Variants in MVK observed in about 807,000 individuals in gnomAD.
The protein encoded by MVK is mevalonate kinase.
MVK carries 34 observed loss-of-function variants against 43.2 expected under a neutral mutation model. That is an observed-to-expected ratio of 0.79 (90% CI 0.60 to 1.05). The LOEUF (loss-of-function observed/expected upper bound fraction) is 1.05, where lower values mean the gene tolerates loss of function less well. MVK is among the 50% of genes least tolerant of loss of function. The pLI, the probability that MVK is intolerant of heterozygous loss-of-function variation, is 0.00. For missense variants in MVK, 395 were observed against 504.0 expected (o/e 0.78, Z 2.07); for synonymous variants, 190 against 219.8 (o/e 0.86, Z 1.20).
Position 109,580,096 on chromosome 12 carries a change from G to A in MVK, c.371+150G>A, listed in dbSNP as rs535362088. 3.2e-4 allele frequency: 388 copies of A among 1,198,386 alleles called. No individual in the cohort carries two copies. In the African/African-American group the frequency reaches 5.3e-3, roughly 16 times the overall value. The allele number at this position is 1,198,386 out of a possible 1,614,324, so 74.2% of individuals were successfully genotyped here. A position where few individuals can be genotyped will look rare whatever the true frequency, so the allele number is the denominator to read the frequency against. On this transcript the variant is annotated intron_variant, in intron 4 of 10. Coordinates refer to ENST00000228510, the MANE Select transcript of MVK (RefSeq NM_000431.4). ...CATCATGTGCCAGGCACCCTGCCAG[G>A]CACGGTATATATGGCGTGCCTTTTT...
chr12:109,581,256 A>G (rs1885202197), intron 4 of MVK, 139 bp from the exon 5 acceptor site: 12 of 1,063,306 alleles, frequency 1.1e-5, no homozygotes, highest in Admixed American at 3.4e-5. Context: ...ATAGGGATAC[A>G]TTTGGGGTCA....
chr12:109,574,919 C>T lies in MVK; in HGVS notation c.78+19C>T, dbSNP rs1884866650. ...TGGCAAGGTACAAAGCCGTTAGAGC[C>T]TTTAAGGATTGGGTACCCCTTCTCC... On this transcript the variant is annotated intron_variant, in intron 2 of 10. Transcript: ENST00000228510. 2 of 1,597,660 alleles carry T rather than the reference C, an allele frequency of 1.3e-6. No individual in the cohort carries two copies. Among genetic ancestry groups the T allele is most frequent in the East Asian group, 2.2e-5 (1 of 44,524 alleles).
chr12:109,591,024 C>G (rs999895973), intron 8 of MVK, among the ~76,000 whole-genome samples, 163 bp downstream of exon 8: 9 of 152,114 alleles, frequency 5.9e-5, no homozygotes, highest in Non-Finnish European at 1.3e-4. Flanking sequence ...CGTCCGTGCC[C>G]GTAGCCTGGC....
rs1004967753 is a variant in MVK, at chr12:109,595,522, C to T, written c.1039+341C>T. Among the ~76,000 whole-genome samples the T allele has an allele frequency of 6.6e-6, 1 of 152,100 alleles. No homozygotes were observed. Among genetic ancestry groups the T allele is most frequent in the Admixed American group, 6.5e-5 (1 of 15,278 alleles). On this transcript the variant is annotated intron_variant, in intron 10 of 10. Coordinates refer to ENST00000228510, the MANE Select transcript of MVK (RefSeq NM_000431.4). The surrounding 1 kb of genome is among the most constrained non-coding windows in gnomAD (Gnocchi z 5.9). Reference sequence around the variant, plus strand: ...ACTCTCCACGTCTGCCTAACCTTGCCCCACTTGTACCCTTGATGTGGTCAG... The same window carrying T: ...ACTCTCCACGTCTGCCTAACCTTGCTCCACTTGTACCCTTGATGTGGTCAG...
intron 4 of MVK, 87 bp downstream of exon 4, chr12:109,580,033 A>G: frequency 1.3e-6 from 2 of 1,578,760 alleles, no homozygotes; most frequent in East Asian, 2.2e-5. Flanking sequence ...TGGAGAATGC[A>G]CATGCTCTCT....
intron 7 of MVK, chr12:109,589,441 C>T (rs1022893889): frequency 2.0e-5 from 3 of 152,182 alleles, no homozygotes; most frequent in African/African-American, 7.2e-5. Flanking sequence ...CCCCACCAAC[C>T]ATGCGTGGTG....
intron 5 of MVK, among the ~76,000 whole-genome samples, chr12:109,583,088 TG>T (rs966947490): frequency 5.1e-5 from 5 of 97,956 alleles, no homozygotes; most frequent in Non-Finnish European, 8.3e-5. Flanking sequence ...ATCCTTGGTC[TG>T]TTTTTTTTTT....
At chr12:109,579,136 AATTTT>A in intron 3 of MVK, 1 of 384,498 alleles carries the variant, frequency 2.6e-6, no homozygotes, top group Non-Finnish European at 5.1e-6. Context: ...TTAAGACTAC[AATTTT>A]TTTTTTTTTT....
chr12:109,587,493 C>T (rs909806123), intron 7 of MVK, among the ~76,000 whole-genome samples: 5 of 152,222 alleles, frequency 3.3e-5, no homozygotes, highest in African/African-American at 7.2e-5. Context: ...TGGAATGAAA[C>T]GCATGGCAGA....
chr12:109,587,452 G>A (rs1885488038), intron 7 of MVK, among the ~76,000 whole-genome samples: 1 of 152,210 alleles, frequency 6.6e-6, no homozygotes, highest in Non-Finnish European at 1.5e-5. Context: ...CCTCTGTTCT[G>A]TTTGCACCCA....
At chr12:109,591,924 A>T (rs984172320) in intron 9 of MVK, among the ~76,000 whole-genome samples, 3 of 152,160 alleles carry the variant, frequency 2.0e-5, no homozygotes, top group African/African-American at 7.2e-5. Flanking sequence ...CTTCTGCTGG[A>T]CGTGTGGCCT....
At chr12:109,582,992 G>A (rs868813676) in intron 5 of MVK, among the ~76,000 whole-genome samples, 9 of 151,958 alleles carry the variant, frequency 5.9e-5, no homozygotes, top group Middle Eastern at 6.9e-3. Context: ...TCAGCCCATC[G>A]TACTCTTACA....
In MVK at chr12:109,597,178, G is replaced by A. The variant is rs536969522; in HGVS notation, c.*601G>A. The A allele has an allele frequency of 1.8e-3, 318 of 175,636 alleles. No individual in the cohort carries two copies. The highest frequency in any genetic ancestry group is 3.5e-3 in the South Asian group (29 of 8,272). The allele number at this position is 175,636 out of a possible 1,614,324, so 10.9% of individuals were successfully genotyped here. On this transcript the variant is annotated 3_prime_UTR_variant, in exon 11 of 11. Transcript: ENST00000228510. ...CGGTGGGCCTGGTTAAATAAGGCAG[G>A]GTTTATATGCACTTTCTTCCGATCT...
At chr12:109,579,101 G>A (rs1413718633) in intron 3 of MVK, 5 of 362,916 alleles carry the variant, frequency 1.4e-5, no homozygotes, top group African/African-American at 4.3e-5. Flanking sequence ...CTCTGTGTGT[G>A]TCTGTGTGTC....
At chr12:109,586,151 A>G in intron 6 of MVK, 26 bp downstream of exon 6, 1 of 1,559,902 alleles carries the variant, frequency 6.4e-7, no homozygotes, top group Non-Finnish European at 8.8e-7. Context: ...GGTTTATTTT[A>G]TTGTTGTTAT....
intron 9 of MVK, among the ~76,000 whole-genome samples, chr12:109,592,694 T>C (rs1885736155): frequency 6.6e-6 from 1 of 152,194 alleles, no homozygotes; most frequent in South Asian, 2.1e-4. Context: ...TCCCCCAAGG[T>C]TATCCAGCTA....
At chr12:109,577,196 A>C (rs1884995363) in intron 3 of MVK, among the ~76,000 whole-genome samples, 1 of 152,190 alleles carries the variant, frequency 6.6e-6, no homozygotes, top group Non-Finnish European at 1.5e-5. Context: ...TGAAGATTTC[A>C]TCCACTCATA....
intron 8 of MVK, 75 bp downstream of exon 8, chr12:109,590,936 C>G: frequency 6.7e-7 from 1 of 1,495,622 alleles, no homozygotes; most frequent in African/African-American, 1.4e-5. Flanking sequence ...CGAGGTCTCC[C>G]TCTGGCTGAT....
Position 109,576,107 on chromosome 12 carries a change from A to T in MVK, c.188A>T (p.Asp63Val), listed in dbSNP as rs1165875328. ...LPNIGIKRAW[D>V]VARLQSLDTS... ...AACATTGGTATCAAGCGGGCCTGGG[A>T]TGTGGCCAGGCTTCAGTCACTGGAC... Residue 63 changes from aspartate (D) to valine (V), a missense_variant, in exon 3 of 11, where the codon GAT becomes GTT. Coordinates refer to ENST00000228510, the MANE Select transcript of MVK (RefSeq NM_000431.4). 2.5e-6 allele frequency: 4 copies of T among 1,614,026 alleles called. No homozygotes were observed. In the African/African-American group the frequency reaches 4.0e-5, roughly 16 times the overall value.
Sources: gnomAD v4.1 joint callset for allele counts (sites outside exome capture counted in the v4.1 genomes callset) on GRCh38, gnomAD v4.1.1 for gene constraint, Gnocchi (gnomAD v3.1) non-coding constraint, MANE v1.5 for transcripts, NCBI Gene and HGNC (gene_info 2026-07-23, HGNC 2026-07-21) for gene names.